The following TATDN3 variants were observed in gnomAD, a reference collection of about 807,000 sequenced individuals.
TATDN3 encodes deoxyribonuclease TATDN3.
In TATDN3, 29 loss-of-function variants were observed where a neutral mutation model predicts 40.1. The observed-to-expected ratio is 0.72, with a 90% CI of 0.54 to 0.99. The LOEUF (loss-of-function observed/expected upper bound fraction) is 0.99. Ranked by LOEUF, TATDN3 falls within the 50% of genes least tolerant of loss-of-function variation. TATDN3 has a pLI of 0.00. For missense variants in TATDN3, 309 were observed against 321.9 expected (o/e 0.96, Z 0.31); for synonymous variants, 105 against 117.0 (o/e 0.90, Z 0.66).
chr1:212,810,642 G>A (rs570089221), intron 8 of TATDN3, among the ~76,000 whole-genome samples: 3 of 151,850 alleles, frequency 2.0e-5, no homozygotes, highest in South Asian at 2.1e-4. Flanking sequence ...AGCCGAGTAC[G>A]TGCCACTCCA....
intron 4 of TATDN3, among the ~76,000 whole-genome samples, chr1:212,799,104 G>A (rs1054909552): frequency 6.6e-6 from 1 of 152,212 alleles, no homozygotes; most frequent in African/African-American, 2.4e-5. Context: ...AATAAGCTCA[G>A]TGTAGTCAAG....
chr1:212,800,161 T>G (rs2102445270), intron 4 of TATDN3, among the ~76,000 whole-genome samples: 1 of 152,282 alleles, frequency 6.6e-6, no homozygotes, highest in South Asian at 2.1e-4. Context: ...ATTAATTAAT[T>G]CATTCAATAA....
At chr1:212,796,910 A>AT in intron 3 of TATDN3, 2 of 510,516 alleles carry the variant, frequency 3.9e-6, no homozygotes, top group Non-Finnish European at 3.5e-6. Context: ...TAATTTTTAT[A>AT]TTTTTTGTAG....
At chr1:212,806,746 CCATATATATATATATATATA>C (rs1429387049) in intron 7 of TATDN3, among the ~76,000 whole-genome samples, 3 of 45,188 alleles carry the variant, frequency 6.6e-5, no homozygotes, top group African/African-American at 1.1e-4. Flanking sequence ...CTCTCTCTCT[CCATATATATATATATATATA>C]TATATATATA....
rs192067804 is a variant in TATDN3, at chr1:212,812,730, C to T, written c.681+402C>T. 3.7e-4 allele frequency among the ~76,000 whole-genome samples: 57 copies of T among 152,206 alleles called. 1 individual carries two copies. Among genetic ancestry groups the T allele is most frequent in the Admixed American group, 3.1e-3 (48 of 15,282 alleles). ...TTAAAAGATTATGGTGGGCTGGGCA[C>T]GGTGGCTCACACCTGTAATCCCAGC... is the stretch of plus-strand genomic sequence containing the variant. On this transcript the variant is annotated intron_variant, in intron 9 of 9. Transcript: ENST00000366974.
At chr1:212,809,645 A>AGC (rs1662743855) in intron 8 of TATDN3, among the ~76,000 whole-genome samples, 1 of 150,996 alleles carries the variant, frequency 6.6e-6, no homozygotes, top group Non-Finnish European at 1.5e-5. Flanking sequence ...AGATCGCGCC[A>AGC]CTGCACTCCA....
At chr1:212,806,663 G>A (rs1466162111) in intron 7 of TATDN3, among the ~76,000 whole-genome samples, 1 of 146,714 alleles carries the variant, frequency 6.8e-6, no homozygotes, top group Non-Finnish European at 1.5e-5. Flanking sequence ...TTACAGACAT[G>A]AGCCACTGTG....
Position 212,797,125 on chromosome 1 carries a change from G to T in TATDN3, c.187G>T (p.Val63Phe). 1 of 1,614,022 alleles carries T rather than the reference G, an allele frequency of 6.2e-7. No homozygotes were observed. The highest frequency in any genetic ancestry group is 8.5e-7 in the Non-Finnish European group (1 of 1,179,962). Residue 63 changes from valine to phenylalanine, a missense_variant, in exon 4 of 10, where the codon GTC becomes TTC. Coordinates refer to ENST00000366974, the MANE Select transcript of TATDN3 (RefSeq NM_001042552.3). ...CTACATTTTTAGGTATAATGGGTTT[G>T]TCCTGCCATGCTTGGGTGTTCATCC... ...MQLSERYNGF[V>F]LPCLGVHPVQ... is the part of the protein sequence containing the mutation.
chr1:212,805,644 G>A (rs928674404), intron 7 of TATDN3, among the ~76,000 whole-genome samples: 2 of 152,106 alleles, frequency 1.3e-5, no homozygotes, highest in African/African-American at 2.4e-5. Flanking sequence ...ATCACATTGC[G>A]TCACTGTTTT....
chr1:212,807,154 C>T (rs1462793580), intron 7 of TATDN3, among the ~76,000 whole-genome samples: 1 of 151,702 alleles, frequency 6.6e-6, no homozygotes, highest in Non-Finnish European at 1.5e-5. Context: ...CCATGCTAGT[C>T]AGGCTTGTCT....
At position 212,806,768 on chromosome 1, in the gene TATDN3, A is replaced by G. The variant is rs371987238; in HGVS notation, c.488-968A>G. On this transcript the variant is annotated intron_variant, in intron 7 of 9. Coordinates refer to ENST00000366974, the MANE Select transcript of TATDN3 (RefSeq NM_001042552.3). Reference sequence around the variant, plus strand: ...TCTCCATATATATATATATATATATATATATATATATATATACACACACAC... The same window carrying G: ...TCTCCATATATATATATATATATATGTATATATATATATATACACACACAC... 7.7e-5 allele frequency among the ~76,000 whole-genome samples: 9 copies of G among 116,642 alleles called. 2 individuals are homozygous for G. The highest frequency in any genetic ancestry group is 2.2e-4 in the Admixed American group (2 of 8,922). 76.5% of individuals were successfully genotyped at this position (116,642 alleles called of 152,430 possible).
intron 9 of TATDN3, among the ~76,000 whole-genome samples, chr1:212,813,125 G>A (rs531979744): frequency 3.9e-5 from 6 of 152,200 alleles, no homozygotes; most frequent in African/African-American, 1.4e-4. Context: ...CTTTTAATTA[G>A]CATGTTATAA....
At chr1:212,806,508 CTA>C (rs112782251) in intron 7 of TATDN3, among the ~76,000 whole-genome samples, 2,961 of 149,616 alleles carry the variant, frequency 0.02, 95 homozygotes, top group African/African-American at 0.066. Flanking sequence ...GTAGCTGGGA[CTA>C]TGGGCACACA....
chr1:212,794,310 G>T (rs1340876958), intron 1 of TATDN3, among the ~76,000 whole-genome samples: 1 of 151,738 alleles, frequency 6.6e-6, no homozygotes, highest in Non-Finnish European at 1.5e-5. Context: ...GGGGACTCAG[G>T]CTGGGTTCGA....
rs116338586 is a variant in TATDN3 at position 212,811,128 on chromosome 1, G to A, written c.601-1120G>A. ...CTTCCGAGTACCTGGGATTACAGGC[G>A]TGTACCACAATGCCTGGCTAATTTT... On this transcript the variant is annotated intron_variant, in intron 8 of 9. Coordinates refer to ENST00000366974, the MANE Select transcript of TATDN3 (RefSeq NM_001042552.3). 4.1e-3 allele frequency among the ~76,000 whole-genome samples: 629 copies of A among 151,942 alleles called. 1 individual carries two copies. Among genetic ancestry groups the A allele is most frequent in the South Asian group, 7.3e-3 (35 of 4,806 alleles).
intron 9 of TATDN3, among the ~76,000 whole-genome samples, chr1:212,813,956 T>G (rs1189545672): frequency 6.7e-6 from 1 of 150,104 alleles, no homozygotes; most frequent in Non-Finnish European, 1.5e-5. Context: ...GATCTTTATG[T>G]GGTAAACCTC....
In TATDN3 at chr1:212,812,258, T is replaced by C. The variant is rs776785540; in HGVS notation, c.611T>C (p.Leu204Pro). 1.9e-6 allele frequency: 3 copies of C among 1,575,982 alleles called. No homozygotes were observed. In the South Asian group the frequency reaches 3.6e-5, roughly 19 times the overall value. The change falls in exon 9 of 10, where the codon CTT (leucine) becomes CCT (proline). Residue 204 changes from leucine to proline, a missense_variant. By Grantham distance (98) the Leu-to-Pro change is moderately conservative. Transcript: ENST00000366974. ...TCTCTTTTCTCTAAGAAGCAGAAAC[T>C]TGTGAAACAATTGCCTTTAACTTCT... ...SIIRSGQKQKLVKQLPLTSIC... is the reference protein window; with the variant it reads ...SIIRSGQKQKPVKQLPLTSIC...
At chr1:212,811,853 C>A (rs1373857139) in intron 8 of TATDN3, among the ~76,000 whole-genome samples, 2 of 151,968 alleles carry the variant, frequency 1.3e-5, no homozygotes, top group Non-Finnish European at 2.9e-5. Context: ...CAGGTGCCTG[C>A]CACCATGCCT....
rs1236410131 is a variant in TATDN3 at position 212,802,686 on chromosome 1, C to CT, written c.259-8dup. The CT allele has an allele frequency of 6.3e-6, 10 of 1,597,320 alleles. No homozygotes were observed. The highest frequency in any genetic ancestry group is 1.1e-5 in the South Asian group (1 of 90,752). The stretch of plus-strand genomic sequence containing the variant: ...CCTTTCTTCCATTTTAACAATTTTA[C>CT]TTTTTTTCTCCCAGGATTTGGATGT... On this transcript the variant is annotated splice_polypyrimidine_tract_variant and intron_variant, in intron 4 of 9. Coordinates refer to ENST00000366974, the MANE Select transcript of TATDN3 (RefSeq NM_001042552.3).
Sources: gnomAD v4.1 joint callset for allele counts (sites outside exome capture counted in the v4.1 genomes callset) on GRCh38, gnomAD v4.1.1 for gene constraint, MANE v1.5 for transcripts, NCBI Gene and HGNC (gene_info 2026-07-23, HGNC 2026-07-21) for gene names.